The following CABLES1 variants were observed in gnomAD, a reference collection of about 807,000 sequenced individuals.
CABLES1 encodes Cdk5 and Abl enzyme substrate 1.
CABLES1 carries 36 observed loss-of-function variants against 57.8 expected under a neutral mutation model. That is an observed-to-expected ratio of 0.62 (90% confidence interval 0.48 to 0.82). The LOEUF (loss-of-function observed/expected upper bound fraction) is 0.82. Ranked by LOEUF, CABLES1 falls within the 40% of genes least tolerant of loss-of-function variation. CABLES1 has a pLI of 0.00. For missense variants in CABLES1, 767 were observed against 836.6 expected, an observed-to-expected ratio of 0.92 and a Z score of 1.03; for synonymous variants, 374 against 363.0, an observed-to-expected ratio of 1.03 and a Z score of -0.35.
At chr18:23,185,961 G>A (rs1321104981) in intron 1 of CABLES1, among the ~76,000 whole-genome samples, 1 of 152,212 alleles carries the variant, frequency 6.6e-6, no homozygotes, top group Admixed American at 6.5e-5. Flanking sequence ...GGAGACCTGA[G>A]AGCAGTGCAA....
Position 23,135,802 on chromosome 18 carries a change from A to G in CABLES1, c.40A>G (p.Ser14Gly). ...AAAAATTAAC[S>G]SGSAGTDAAG... ...GGCGGCCGCCACCACGGCCGCCTGC[A>G]GCAGCGGCAGCGCCGGCACCGACGC... Residue 14 changes from serine (S) to glycine (G), a missense_variant, in exon 1 of 10, where the codon AGC (serine) becomes GGC (glycine). This residue lies in a region of CABLES1 where 198 missense variants were observed against 149.7 expected (regional missense o/e 1.32). Coordinates refer to ENST00000256925, the MANE Select transcript of CABLES1 (RefSeq NM_001100619.3). The G allele has an allele frequency of 1.0e-6, 1 of 956,652 alleles. No individual in the cohort carries two copies. The highest frequency in any genetic ancestry group is 1.2e-6 in the Non-Finnish European group (1 of 806,126). The allele number at this position is 956,652 out of a possible 1,614,324, so 59.3% of individuals were successfully genotyped here. A position where few individuals can be genotyped will look rare whatever the true frequency, so the allele number is the denominator to read the frequency against.
chr18:23,236,451 T>G (rs1349133646), intron 6 of CABLES1, among the ~76,000 whole-genome samples: 2 of 152,150 alleles, frequency 1.3e-5, no homozygotes, highest in Admixed American at 6.5e-5. Flanking sequence ...GAGAGTTTCC[T>G]TTGTGCCTAT....
intron 3 of CABLES1, among the ~76,000 whole-genome samples, chr18:23,207,687 AT>A (rs2047374086): frequency 6.7e-6 from 1 of 150,342 alleles, no homozygotes; most frequent in African/African-American, 2.5e-5. Flanking sequence ...CTCAGAAAAT[AT>A]TTGTGTGAGG....
At chr18:23,238,340 C>T (rs981499282) in intron 7 of CABLES1, among the ~76,000 whole-genome samples, 1 of 152,264 alleles carries the variant, frequency 6.6e-6, no homozygotes, top group Non-Finnish European at 1.5e-5. Context: ...CACTTATCCT[C>T]TTGTTCTTTG....
At chr18:23,207,607 G>A (rs778503864) in intron 3 of CABLES1, among the ~76,000 whole-genome samples, 2 of 152,146 alleles carry the variant, frequency 1.3e-5, no homozygotes, top group Admixed American at 6.5e-5. Flanking sequence ...TTGCAAGGAG[G>A]GAGCTCTTAG....
chr18:23,201,524 A>G (rs1346962907), intron 3 of CABLES1, among the ~76,000 whole-genome samples: 1 of 152,240 alleles, frequency 6.6e-6, no homozygotes, highest in Non-Finnish European at 1.5e-5. Flanking sequence ...GACTCCATTT[A>G]TATGAAATAA....
At chr18:23,240,025 G>A (rs1164397227) in intron 7 of CABLES1, among the ~76,000 whole-genome samples, 1 of 152,204 alleles carries the variant, frequency 6.6e-6, no homozygotes, top group Non-Finnish European at 1.5e-5. Flanking sequence ...GGCTGAGGTG[G>A]GAGAATTGCT....
chr18:23,178,834 C>T (rs1303088843), intron 1 of CABLES1, among the ~76,000 whole-genome samples: 1 of 152,164 alleles, frequency 6.6e-6, no homozygotes, highest in African/African-American at 2.4e-5. Context: ...CTTTTGTATT[C>T]TCTGTAAACA....
rs148181494 is a variant in CABLES1, at chr18:23,231,660, G to A, written c.1089-2948G>A. On this transcript the variant is annotated intron_variant, in intron 4 of 9. Transcript: ENST00000256925. ...TTGTGGTCCCAAGTGTCGCTGAGAC[G>A]CTTGGACAATCCACTGGAATCCCTG... is the stretch of plus-strand genomic sequence containing the variant. Among the ~76,000 whole-genome samples the A allele has an allele frequency of 6.6e-5, 10 of 152,260 alleles. No individual in the cohort carries two copies. The East Asian group carries it at 7.7e-4, about 12-fold the overall frequency.
chr18:23,253,224 T>G (rs919836006), intron 8 of CABLES1, among the ~76,000 whole-genome samples, 158 bp downstream of exon 8: 1 of 152,218 alleles, frequency 6.6e-6, no homozygotes, highest in Non-Finnish European at 1.5e-5. Context: ...GGCTCACACC[T>G]GTAATCCCAG....
At chr18:23,217,702 A>G (rs1413184914) in intron 4 of CABLES1, among the ~76,000 whole-genome samples, 1 of 152,270 alleles carries the variant, frequency 6.6e-6, no homozygotes, top group East Asian at 1.9e-4. Context: ...TTTACTAGTA[A>G]ATATACGAAT....
chr18:23,186,404 G>GTT (rs1246687956), intron 1 of CABLES1, among the ~76,000 whole-genome samples: 2 of 151,804 alleles, frequency 1.3e-5, no homozygotes, highest in African/African-American at 2.4e-5. Flanking sequence ...GGATTAAGGA[G>GTT]CTTGCTTTCT....
chr18:23,188,765 T>G, intron 1 of CABLES1, 73 bp from the exon 2 acceptor site: 3 of 1,095,948 alleles, frequency 2.7e-6, no homozygotes, highest in Non-Finnish European at 4.2e-6. Flanking sequence ...TAGGGTAGTT[T>G]TAGATTTGCA....
chr18:23,237,115 A>G (rs765334150), intron 6 of CABLES1, 27 bp from the exon 7 acceptor site: 2 of 1,366,736 alleles, frequency 1.5e-6, no homozygotes, highest in Admixed American at 3.3e-5. Context: ...GCTAATTATC[A>G]TTTTGCATTT....
chr18:23,155,918 G>C, intron 1 of CABLES1: 1 of 1,614,136 alleles, frequency 6.2e-7, no homozygotes, highest in Non-Finnish European at 8.5e-7. Context: ...TTCTAAGAGG[G>C]GCTGCCATGC....
chr18:23,138,831 T>G (rs1466830058), intron 1 of CABLES1, among the ~76,000 whole-genome samples: 1 of 152,234 alleles, frequency 6.6e-6, no homozygotes, highest in Admixed American at 6.5e-5. Context: ...TGTATTTTCC[T>G]TGGATTCATT....
At chr18:23,143,971 G>A (rs1371499768) in intron 1 of CABLES1, among the ~76,000 whole-genome samples, 1 of 152,208 alleles carries the variant, frequency 6.6e-6, no homozygotes, top group Non-Finnish European at 1.5e-5. Flanking sequence ...CACACCCTCT[G>A]AGGCCTGTTG....
At position 23,238,862 on chromosome 18, in the gene CABLES1, A is replaced by G. The variant is rs537611144; in HGVS notation, c.1446+1617A>G. On this transcript the variant is annotated intron_variant, in intron 7 of 9. Coordinates refer to ENST00000256925, the MANE Select transcript of CABLES1 (RefSeq NM_001100619.3). ...GCTGTCTCTGAATTCCACATTCCTC[A>G]GCAGTCAGCCCCACAACTGCCGACC... Among the ~76,000 whole-genome samples, 716 of 152,332 alleles carry G rather than the reference A, an allele frequency of 4.7e-3. 6 individuals are homozygous for G. The highest frequency in any genetic ancestry group is 6.3e-3 in the Non-Finnish European group (430 of 68,026).
chr18:23,153,365 T>C (rs969852094), intron 1 of CABLES1, among the ~76,000 whole-genome samples: 2 of 152,092 alleles, frequency 1.3e-5, no homozygotes, highest in East Asian at 3.9e-4. Flanking sequence ...CCCAATGTGC[T>C]AGGATTACAG....
Sources: gnomAD v4.1 joint callset for allele counts (sites outside exome capture counted in the v4.1 genomes callset) on GRCh38, gnomAD v4.1.1 for gene constraint, gnomAD v4.1.1 regional missense constraint, MANE v1.5 for transcripts, NCBI Gene and HGNC (gene_info 2026-07-23, HGNC 2026-07-21) for gene names.